KRT12: variants seen among roughly 807,000 people sequenced by gnomAD.
KRT12 encodes keratin 12.
A neutral mutation model predicts 50.2 loss-of-function variants in KRT12; 43 were observed. The observed-to-expected ratio is 0.86, with a 90% CI of 0.67 to 1.11. The LOEUF (loss-of-function observed/expected upper bound fraction) is 1.11, where lower values mean the gene tolerates loss of function less well. Ranked by LOEUF, KRT12 falls within the 50% of genes least tolerant of loss-of-function variation. The probability of loss-of-function intolerance (pLI) is 0.00; values close to 1 mark genes in which losing one functional copy is unlikely to be tolerated. For synonymous variants in KRT12, 257 were observed against 253.6 expected (o/e 1.01, Z -0.13); for missense variants, 588 against 625.6 (o/e 0.94, Z 0.64).
chr17:40,864,044 T>C (rs1906918364), intron 3 of KRT12, among the ~76,000 whole-genome samples, 180 bp from the exon 4 acceptor site: 1 of 150,946 alleles, frequency 6.6e-6, no homozygotes, highest in Non-Finnish European at 1.5e-5. Flanking sequence ...ATTAATGTAA[T>C]ACATTAAAAC....
intron 3 of KRT12, among the ~76,000 whole-genome samples, chr17:40,864,345 A>T (rs1403404981): frequency 6.6e-6 from 1 of 152,174 alleles, no homozygotes; most frequent in African/African-American, 2.4e-5. Context: ...TATTGCCAGC[A>T]TCCCTTCCCT....
chr17:40,863,506 C>G lies in KRT12; in HGVS notation c.1074G>C (p.Glu358Asp). ...LRRAFQNLEI[E>D]LQSQLAMKKS... ...CTACCATGGCGAGCTGGGACTGTAG[C>G]TCGATCTCCAGGTTCTGAAAGGCGC... is the stretch of plus-strand genomic sequence containing the variant. Residue 358 changes from glutamate to aspartate, a missense_variant, in exon 5 of 8, where the codon GAG becomes GAC. Coordinates refer to ENST00000251643, the MANE Select transcript of KRT12 (RefSeq NM_000223.4). The surrounding 1 kb of genome is among the most constrained non-coding windows in gnomAD (Gnocchi z 4.2). The G allele has an allele frequency of 6.2e-7, 1 of 1,614,246 alleles. No individual in the cohort carries two copies. The highest frequency in any genetic ancestry group is 1.1e-5 in the South Asian group (1 of 91,092).
chr17:40,866,671 T>C lies in KRT12; in HGVS notation c.516A>G (p.Ser172=), dbSNP rs1907036668. The change falls in exon 1 of 8, where the codon TCA becomes TCG. Residue 172 remains serine (S), a synonymous_variant. Coordinates refer to ENST00000251643, the MANE Select transcript of KRT12 (RefSeq NM_000223.4). ...GATAATATTTGCTGTAATCGCTCTGTGAAGCATCTGCAGTCCCAGTTCCTC... is the reference window on the plus strand; with the variant it reads ...GATAATATTTGCTGTAATCGCTCTGCGAAGCATCTGCAGTCCCAGTTCCTC... ...ETRGTGTADA[S]QSDYSKYYPL... The C allele has an allele frequency of 6.2e-7, 1 of 1,614,114 alleles. No individual in the cohort carries two copies. The highest frequency in any genetic ancestry group is 1.3e-5 in the African/African-American group (1 of 74,948).
Position 40,863,990 on chromosome 17 carries a change from A to ACACACACACACG in KRT12, c.808-127_808-126insCGTGTGTGTGTG, listed in dbSNP as rs1398032327. 1 of 647,272 alleles carries ACACACACACACG rather than the reference A, an allele frequency of 1.5e-6. No homozygotes were observed. Among genetic ancestry groups the ACACACACACACG allele is most frequent in the Non-Finnish European group, 2.6e-6 (1 of 386,198 alleles). 40.1% of individuals were successfully genotyped at this position (647,272 alleles called of 1,614,324 possible). On this transcript the variant is annotated intron_variant, in intron 3 of 7. Coordinates refer to ENST00000251643, the MANE Select transcript of KRT12 (RefSeq NM_000223.4). This position sits in a 1 kb window ranked among gnomAD's most constrained non-coding sequence, Gnocchi z 4.2. ...CACACACACACACACACACACACACACTTAAAAATTCTATCTTATGACTGT... is the reference window on the plus strand; with the variant it reads ...CACACACACACACACACACACACACACACACACACACGCTTAAAAATTCTATCTTATGACTGT...
rs1411161085 is a variant in KRT12 at position 40,861,653 on chromosome 17, G to A, written c.*8C>T. ...AGGAACCAATCATGGGGCAGATCTTGTGAAATTTTACATTAGTTCTTCAAT... is the reference window on the plus strand; with the variant it reads ...AGGAACCAATCATGGGGCAGATCTTATGAAATTTTACATTAGTTCTTCAAT... On this transcript the variant is annotated 3_prime_UTR_variant, in exon 8 of 8. Coordinates refer to ENST00000251643, the MANE Select transcript of KRT12 (RefSeq NM_000223.4). The A allele has an allele frequency of 6.4e-7, 1 of 1,557,468 alleles. No homozygotes were observed. Among genetic ancestry groups the A allele is most frequent in the East Asian group, 2.2e-5 (1 of 44,568 alleles).
In KRT12 at chr17:40,863,742, C is replaced by G; in HGVS notation, c.930G>C (p.Glu310Asp). The G allele has an allele frequency of 6.2e-7, 1 of 1,613,696 alleles. No homozygotes were observed. The highest frequency in any genetic ancestry group is 8.5e-7 in the Non-Finnish European group (1 of 1,180,038). Residue 310 changes from glutamate (E) to aspartate (D), a missense_variant, in exon 4 of 8, where the codon GAG (glutamate) becomes GAC (aspartate). Transcript: ENST00000251643. The surrounding 1 kb of genome is among the most constrained non-coding windows in gnomAD (Gnocchi z 4.2). The stretch of plus-strand genomic sequence containing the variant: ...AGGCTTCAGCGTCCTTCCGATTCTG[C>G]TCAGCGATGGTTTCATACTGCGCCC... Reference protein sequence around the residue: ...DMRAQYETIAEQNRKDAEAWF... With the variant: ...DMRAQYETIADQNRKDAEAWF...
rs1480584124 is a variant in KRT12 at position 40,864,884 on chromosome 17, G to A, written c.729C>T (p.Thr243=). The A allele has an allele frequency of 1.9e-6, 3 of 1,614,240 alleles. No homozygotes were observed. The highest frequency in any genetic ancestry group is 4.5e-5 in the East Asian group (2 of 44,890). The change falls in exon 3 of 8, where the codon ACC becomes ACT. Residue 243 remains threonine, a synonymous_variant. Coordinates refer to ENST00000251643, the MANE Select transcript of KRT12 (RefSeq NM_000223.4). The part of the protein sequence containing the change: ...NGLRRVLDEL[T]LTRTDLEMQI... Reference sequence around the variant, plus strand: ...GCATCTCCAGGTCGGTCCTGGTCAGGGTCAGCTCGTCCAGCACCCGGCGCA... The same window carrying A: ...GCATCTCCAGGTCGGTCCTGGTCAGAGTCAGCTCGTCCAGCACCCGGCGCA...
Position 40,864,907 on chromosome 17 carries a change from GC to G in KRT12, c.705del (p.Arg236AlafsTer7). On this transcript the variant is annotated frameshift_variant, in exon 3 of 8. Coordinates refer to ENST00000251643, the MANE Select transcript of KRT12 (RefSeq NM_000223.4). LOFTEE classifies it high-confidence loss of function. ...RQGVEADING[L>X]RRVLDELTLT... ...AGGGTCAGCTCGTCCAGCACCCGGC[GC>G]AGGCCATTGATGTCGGCCTCTACGC... 6.2e-7 allele frequency: 1 copy of G among 1,614,220 alleles called. No homozygotes were observed. The highest frequency in any genetic ancestry group is 1.7e-5 in the Admixed American group (1 of 60,030).
At position 40,863,285 on chromosome 17, in the gene KRT12, G is replaced by T; in HGVS notation, c.1154C>A (p.Ser385Tyr). ...EAEGDYCAQL[S>Y]QVQQLISNLE... is the part of the protein sequence containing the mutation. ...GTTGCTGATGAGCTGCTGCACCTGG[G>T]ACAGCTGCGCGCAGTAATCGCCCTC... is the stretch of plus-strand genomic sequence containing the variant. Residue 385 changes from serine to tyrosine, a missense_variant, in exon 6 of 8, where the codon TCC (serine) becomes TAC (tyrosine). Coordinates refer to ENST00000251643, the MANE Select transcript of KRT12 (RefSeq NM_000223.4). This position sits in a 1 kb window ranked among gnomAD's most constrained non-coding sequence, Gnocchi z 4.2. The T allele has an allele frequency of 6.2e-7, 1 of 1,614,022 alleles. No individual in the cohort carries two copies.
In KRT12 at chr17:40,863,953, T is replaced by TAACACACACACAC. The variant is rs1555552157; in HGVS notation, c.808-90_808-89insGTGTGTGTGTGTT. 4 of 513,696 alleles carry TAACACACACACAC rather than the reference T, an allele frequency of 7.8e-6. No individual in the cohort carries two copies. Among genetic ancestry groups the TAACACACACACAC allele is most frequent in the Non-Finnish European group, 1.3e-5 (4 of 297,800 alleles). The allele number at this position is 513,696 out of a possible 1,614,324, so 31.8% of individuals were successfully genotyped here. A position where few individuals can be genotyped will look rare whatever the true frequency, so the allele number is the denominator to read the frequency against. ...ACTTTTGTCCTCTTGGGCCCCTTCC[T>TAACACACACACAC]ACACACACACACACACACACACACA... On this transcript the variant is annotated intron_variant, in intron 3 of 7. Transcript: ENST00000251643. The surrounding 1 kb of genome is among the most constrained non-coding windows in gnomAD (Gnocchi z 4.2).
At chr17:40,864,014 G>A in intron 3 of KRT12, 150 bp from the exon 4 acceptor site, 2 of 565,390 alleles carry the variant, frequency 3.5e-6, no homozygotes, top group Non-Finnish European at 6.0e-6. Context: ...TCTTATGACT[G>A]TTGGTATAAA....
intron 6 of KRT12, among the ~76,000 whole-genome samples, 167 bp from the exon 7 acceptor site, chr17:40,862,802 C>T (rs1448715934): frequency 1.3e-5 from 2 of 152,204 alleles, no homozygotes; most frequent in Non-Finnish European, 2.9e-5. Context: ...GTTCAGGTGG[C>T]TACTATGTGT....
At chr17:40,865,643 G>A (rs1015792270) in intron 2 of KRT12, among the ~76,000 whole-genome samples, 17 of 152,034 alleles carry the variant, frequency 1.1e-4, no homozygotes, top group African/African-American at 3.4e-4. Context: ...GCCTGGCCAA[G>A]ATAGTGAAAC....
rs1269638022 is a variant in KRT12 at position 40,861,755 on chromosome 17, G to A, written c.1391C>T (p.Pro464Leu). The change falls in exon 8 of 8, where the codon CCA (proline) becomes CTA (leucine). Residue 464 changes from proline (P) to leucine (L), a missense_variant. Coordinates refer to ENST00000251643, the MANE Select transcript of KRT12 (RefSeq NM_000223.4). ...QAQSTDSSKDPTKTRKIKTVV... is the reference protein window; with the variant it reads ...QAQSTDSSKDLTKTRKIKTVV... Reference sequence around the variant, plus strand: ...TGTCTTGATTTTTCGGGTTTTGGTTGGGTCTAAAGATAAAAATGGAATAAG... The same window carrying A: ...TGTCTTGATTTTTCGGGTTTTGGTTAGGTCTAAAGATAAAAATGGAATAAG... 1.2e-6 allele frequency: 2 copies of A among 1,608,312 alleles called. No individual in the cohort carries two copies. Among genetic ancestry groups the A allele is most frequent in the South Asian group, 1.1e-5 (1 of 90,952 alleles).
rs187500322 is a variant in KRT12 at position 40,862,444 on chromosome 17, G to A, written c.1387+121C>T. 85 of 754,834 alleles carry A rather than the reference G, an allele frequency of 1.1e-4. No homozygotes were observed. In the Admixed American group the frequency reaches 1.6e-3, roughly 14 times the overall value. The allele number at this position is 754,834 out of a possible 1,614,324, so 46.8% of individuals were successfully genotyped here. A position where few individuals can be genotyped will look rare whatever the true frequency, so the allele number is the denominator to read the frequency against. On this transcript the variant is annotated intron_variant, in intron 7 of 7. Transcript: ENST00000251643. ...TGCATAAATGTTTTTCCTTGGCTCA[G>A]AATATAAATATGCTTTAAATTAAAA...
Position 40,862,618 on chromosome 17 carries a change from C to T in KRT12, c.1334G>A (p.Ser445Asn). 1.9e-6 allele frequency: 3 copies of T among 1,613,284 alleles called. No individual in the cohort carries two copies. Among genetic ancestry groups the T allele is most frequent in the Non-Finnish European group, 2.5e-6 (3 of 1,179,254 alleles). The change falls in exon 7 of 8, where the codon AGT (serine) becomes AAT (asparagine). Residue 445 changes from serine to asparagine, a missense_variant. Coordinates refer to ENST00000251643, the MANE Select transcript of KRT12 (RefSeq NM_000223.4). ...TGATTTGGAGTCTGTCACAAATAAA[C>T]TTTCCTCCAAACCATCACTGTAAGA... is the stretch of plus-strand genomic sequence containing the variant. Reference protein sequence around the residue: ...GEAQGDGLEESLFVTDSKSQA... With the variant: ...GEAQGDGLEENLFVTDSKSQA...
intron 2 of KRT12, among the ~76,000 whole-genome samples, chr17:40,865,826 T>C (rs1437669131): frequency 6.6e-6 from 1 of 152,022 alleles, no homozygotes; most frequent in Non-Finnish European, 1.5e-5. Flanking sequence ...AGACTCCATC[T>C]CAAAAACAAA....
In KRT12 at chr17:40,863,340, T is replaced by A. The variant is rs1300229040; in HGVS notation, c.1099A>T (p.Lys367Ter). Residue 367 changes from lysine to a stop codon, truncating the protein, a stop_gained, in exon 6 of 8, where the codon AAA becomes TAA. Transcript: ENST00000251643. LOFTEE classifies it high-confidence loss of function. The surrounding 1 kb of genome is among the most constrained non-coding windows in gnomAD (Gnocchi z 4.2). ...IELQSQLAMKKSLEDSLAEAE... is the reference protein window; with the variant it reads ...IELQSQLAMK Reference sequence around the variant, plus strand: ...TCGGCCAAGGAGTCCTCCAGGGATTTCTTCTGCACGTGGGAGGGAAATGGC... The same window carrying A: ...TCGGCCAAGGAGTCCTCCAGGGATTACTTCTGCACGTGGGAGGGAAATGGC... 6.2e-7 allele frequency: 1 copy of A among 1,613,810 alleles called. No homozygotes were observed. The highest frequency in any genetic ancestry group is 8.5e-7 in the Non-Finnish European group (1 of 1,179,940).
rs758285613 is a variant in KRT12, at chr17:40,866,600, G to C, written c.567+20C>G. The C allele has an allele frequency of 1.4e-5, 23 of 1,597,052 alleles. No individual in the cohort carries two copies. Among genetic ancestry groups the C allele is most frequent in the Non-Finnish European group, 2.0e-5 (23 of 1,167,096 alleles). On this transcript the variant is annotated intron_variant, in intron 1 of 7. Transcript: ENST00000251643. ...AAAGGAAAAAAAAAATTCCCAAAGCGCCTCCAAAAGAGATCTTACCTTATT... is the reference window on the plus strand; with the variant it reads ...AAAGGAAAAAAAAAATTCCCAAAGCCCCTCCAAAAGAGATCTTACCTTATT...
Sources: gnomAD v4.1 joint callset for allele counts (sites outside exome capture counted in the v4.1 genomes callset) on GRCh38, gnomAD v4.1.1 for gene constraint, Gnocchi (gnomAD v3.1) non-coding constraint, MANE v1.5 for transcripts, NCBI Gene and HGNC (gene_info 2026-07-23, HGNC 2026-07-21) for gene names.